SBF2: variants seen among roughly 807,000 people sequenced by gnomAD.
SBF2 encodes the protein SET binding factor 2, also known as myotubularin-related protein 13.
Under a neutral mutation model 225.2 loss-of-function variants are expected in SBF2, and 112 were observed. The observed-to-expected ratio is 0.50, with a 90% CI of 0.43 to 0.58. The LOEUF (loss-of-function observed/expected upper bound fraction) is 0.58, where lower values mean the gene tolerates loss of function less well. Ranked by LOEUF, SBF2 falls within the 20% of genes least tolerant of loss-of-function variation. The pLI is 0.00. For synonymous variants in SBF2, 763 were observed against 773.3 expected (o/e 0.99, Z 0.22); for missense variants, 1,996 against 2,206.2 (o/e 0.90, Z 1.91).
chr11:9,990,678 C>T (rs1016089880), intron 12 of SBF2, among the ~76,000 whole-genome samples: 4 of 152,164 alleles, frequency 2.6e-5, no homozygotes, highest in African/African-American at 9.7e-5. Context: ...TAAGGGGTGA[C>T]TCAGTAGGAA....
intron 22 of SBF2, among the ~76,000 whole-genome samples, chr11:9,847,534 ACTC>A (rs1856638192): frequency 6.7e-6 from 1 of 150,252 alleles, no homozygotes. Flanking sequence ...AAAAAAAAAT[ACTC>A]CTCAAGTATT....
intron 17 of SBF2, among the ~76,000 whole-genome samples, chr11:9,876,100 T>G (rs1368000289): frequency 6.6e-6 from 1 of 152,144 alleles, no homozygotes; most frequent in African/African-American, 2.4e-5. Flanking sequence ...GGTCACATCC[T>G]CCCTTTCTCA....
chr11:9,806,397 A>G (rs1258011084), intron 32 of SBF2, among the ~76,000 whole-genome samples: 1 of 147,156 alleles, frequency 6.8e-6, no homozygotes, highest in East Asian at 1.9e-4. Flanking sequence ...AAAAAGCAAG[A>G]TAAGAAGTGC....
intron 13 of SBF2, among the ~76,000 whole-genome samples, chr11:9,971,731 A>T (rs1324983143): frequency 1.3e-5 from 2 of 152,160 alleles, no homozygotes; most frequent in Admixed American, 1.3e-4. Flanking sequence ...CTTCTAGTCA[A>T]AATCTCTAAA....
intron 17 of SBF2, among the ~76,000 whole-genome samples, chr11:9,885,298 C>T (rs1031113509): frequency 7.0e-6 from 1 of 143,838 alleles, no homozygotes; most frequent in African/African-American, 2.6e-5. Flanking sequence ...CAAAAAAAAC[C>T]CAGTGTAATT....
intron 2 of SBF2, among the ~76,000 whole-genome samples, chr11:10,044,018 T>C (rs1025530694): frequency 6.6e-6 from 1 of 152,166 alleles, no homozygotes; most frequent in African/African-American, 2.4e-5. Flanking sequence ...ATTTCTATCA[T>C]TGAATGCACA....
chr11:10,071,620 T>C (rs1033845284), intron 2 of SBF2, among the ~76,000 whole-genome samples: 2 of 152,198 alleles, frequency 1.3e-5, no homozygotes, highest in African/African-American at 4.8e-5. Flanking sequence ...CAGTATGATA[T>C]TGGCTGTGGG....
intron 1 of SBF2, among the ~76,000 whole-genome samples, chr11:10,214,709 C>T (rs1215065334): frequency 1.3e-5 from 2 of 152,148 alleles, no homozygotes; most frequent in Non-Finnish European, 2.9e-5. Flanking sequence ...TTTAGCAAAG[C>T]TTTGCCTTCA....
intron 16 of SBF2, among the ~76,000 whole-genome samples, chr11:9,937,412 A>T (rs1864967999): frequency 6.6e-6 from 1 of 152,242 alleles, no homozygotes; most frequent in South Asian, 2.1e-4. Context: ...CTGAAAAGCA[A>T]TTGAAAAATA....
chr11:10,189,059 G>A (rs1045833446), intron 2 of SBF2, among the ~76,000 whole-genome samples: 2 of 152,164 alleles, frequency 1.3e-5, no homozygotes, highest in African/African-American at 4.8e-5. Flanking sequence ...CCTCAGGACA[G>A]AGGCTTTAGA....
chr11:9,869,096 C>G (rs1858496780), intron 17 of SBF2, among the ~76,000 whole-genome samples: 1 of 152,156 alleles, frequency 6.6e-6, no homozygotes, highest in Non-Finnish European at 1.5e-5. Flanking sequence ...ATTAGAAAAG[C>G]AGGATAAATA....
chr11:10,074,195 T>C (rs1474303168), intron 2 of SBF2, among the ~76,000 whole-genome samples: 1 of 152,194 alleles, frequency 6.6e-6, no homozygotes, highest in Admixed American at 6.5e-5. Flanking sequence ...GTATGATGAG[T>C]ACATGGGAGT....
At chr11:9,989,325 C>T (rs1947325390) in intron 13 of SBF2, among the ~76,000 whole-genome samples, 172 bp downstream of exon 13, 1 of 151,962 alleles carries the variant, frequency 6.6e-6, no homozygotes, top group Non-Finnish European at 1.5e-5. Context: ...GGATAAAAGA[C>T]TACAAATATG....
At chr11:9,946,513 C>T (rs1383807223) in intron 16 of SBF2, among the ~76,000 whole-genome samples, 4 of 148,882 alleles carry the variant, frequency 2.7e-5, no homozygotes, top group African/African-American at 7.5e-5. Flanking sequence ...TGCAGTGGTG[C>T]GATCTCGGCT....
chr11:9,850,502 C>G (rs1856847651), intron 21 of SBF2, among the ~76,000 whole-genome samples: 1 of 152,142 alleles, frequency 6.6e-6, no homozygotes, highest in South Asian at 2.1e-4. Context: ...AAGCAATCCA[C>G]CTGCCCCAGC....
intron 17 of SBF2, among the ~76,000 whole-genome samples, chr11:9,885,289 A>C (rs980422221): frequency 7.4e-4 from 102 of 138,160 alleles, no homozygotes; most frequent in Non-Finnish European, 1.3e-3. Context: ...CCACCCCCCC[A>C]AAAAAAACCC....
intron 29 of SBF2, 48 bp downstream of exon 29, chr11:9,816,792 G>A: frequency 6.4e-7 from 1 of 1,572,610 alleles, no homozygotes; most frequent in Admixed American, 1.7e-5. Context: ...TTTATCAACA[G>A]CCCTAGCGTA....
At chr11:10,084,948 G>T (rs938150005) in intron 2 of SBF2, among the ~76,000 whole-genome samples, 4 of 152,086 alleles carry the variant, frequency 2.6e-5, no homozygotes, top group African/African-American at 9.7e-5. Context: ...AGCTATGGCG[G>T]GGGTAGCATG....
intron 16 of SBF2, among the ~76,000 whole-genome samples, chr11:9,914,583 T>A (rs1053520500): frequency 2.0e-5 from 3 of 151,982 alleles, no homozygotes; most frequent in Non-Finnish European, 2.9e-5. Context: ...ACTATAAAAC[T>A]CCTAGAAGGT....
Sources: allele counts gnomAD v4.1 joint callset (sites outside exome capture counted in the v4.1 genomes callset), GRCh38; gene constraint gnomAD v4.1.1; transcripts MANE v1.5; gene names NCBI Gene and HGNC (gene_info 2026-07-23, HGNC 2026-07-21).